EVC: variants seen among roughly 807,000 people sequenced by gnomAD.
EVC encodes the protein EvC ciliary complex subunit 1.
Under a neutral mutation model 118.9 loss-of-function variants are expected in EVC, and 116 were observed. The ratio of observed to expected loss-of-function variants is 0.98; its 90% CI spans 0.84 to 1.14. EVC has a LOEUF of 1.14. Among genes scored for constraint, EVC ranks in the 50% most tolerant of loss-of-function variants. The probability of loss-of-function intolerance (pLI) is 0.00; values close to 1 mark genes in which losing one functional copy is unlikely to be tolerated. For missense variants in EVC, 1,401 were observed against 1,246.4 expected, an observed-to-expected ratio of 1.12 and a Z score of -1.87; for synonymous variants, 619 against 534.7, an observed-to-expected ratio of 1.16 and a Z score of -2.18.
rs1346995792 is a variant in EVC at position 5,762,821 on chromosome 4, G to T, written c.1563+6459G>T. ...ATATTAGCCCTTTGTCACATGAGTAGGTTGCGAAAATTTTCTCCCATTTTG... is the reference window on the plus strand; with the variant it reads ...ATATTAGCCCTTTGTCACATGAGTATGTTGCGAAAATTTTCTCCCATTTTG... On this transcript the variant is annotated intron_variant, in intron 11 of 20. Coordinates refer to ENST00000264956, the MANE Select transcript of EVC (RefSeq NM_153717.3). 9.1e-4 allele frequency among the ~76,000 whole-genome samples: 64 copies of T among 70,644 alleles called. 12 individuals carry two copies. Among genetic ancestry groups the T allele is most frequent in the African/African-American group, 3.1e-3 (61 of 19,506 alleles). 46.3% of individuals were successfully genotyped at this position (70,644 alleles called of 152,430 possible). A position where few individuals can be genotyped will look rare whatever the true frequency, so the allele number is the denominator to read the frequency against.
rs73200158 is a variant in EVC, at chr4:5,747,882, C to T, written c.940-266C>T. Among the ~76,000 whole-genome samples, 17,518 of 152,166 alleles carry T rather than the reference C, an allele frequency of 0.12. 1,535 individuals are homozygous for T. Among genetic ancestry groups the T allele is most frequent in the African/African-American group, 0.25 (10,328 of 41,478 alleles). On this transcript the variant is annotated intron_variant, in intron 7 of 20. Coordinates refer to ENST00000264956, the MANE Select transcript of EVC (RefSeq NM_153717.3). ...TGCAAGAGTCTGTAGGCTGGACAAGCTACTGCTTTCTTTCCTTAGCAGCAG... is the reference window on the plus strand; with the variant it reads ...TGCAAGAGTCTGTAGGCTGGACAAGTTACTGCTTTCTTTCCTTAGCAGCAG...
In EVC at chr4:5,719,289, T is replaced by TG; in HGVS notation, c.217dup (p.Ala73GlyfsTer28). On this transcript the variant is annotated frameshift_variant, in exon 2 of 21. Transcript: ENST00000264956. LOFTEE classifies it high-confidence loss of function. The surrounding 1 kb of genome is among the most constrained non-coding windows in gnomAD (Gnocchi z 4.7). ...ATCTGCTCAAGAATTTGGAGTCTAA[T>TG]GCGCAGACCCCCTCGGAAACTGGCT... 3 of 1,614,136 alleles carry TG rather than the reference T, an allele frequency of 1.9e-6. No homozygotes were observed. The highest frequency in any genetic ancestry group is 2.5e-6 in the Non-Finnish European group (3 of 1,180,024).
In EVC at chr4:5,814,264, T is replaced by C. The variant is rs1717343637; in HGVS notation, c.*3227T>C. 1 of 152,238 alleles carries C rather than the reference T, an allele frequency of 6.6e-6. No individual in the cohort carries two copies. Among genetic ancestry groups the C allele is most frequent in the African/African-American group, 2.4e-5 (1 of 41,460 alleles). 9.4% of individuals were successfully genotyped at this position (152,238 alleles called of 1,614,324 possible). On this transcript the variant is annotated 3_prime_UTR_variant, in exon 21 of 21. Coordinates refer to ENST00000264956, the MANE Select transcript of EVC (RefSeq NM_153717.3). ...TTTGGAAGGGGACCATGAGAGATGA[T>C]GTATTATGATGAACTCATGATTTAA...
chr4:5,820,262 C>A, the EVC span, among the ~76,000 whole-genome samples: 1 of 152,146 alleles, frequency 6.6e-6, no homozygotes, highest in African/African-American at 2.4e-5. Flanking sequence ...TCACCAACAC[C>A]ACCATCATCA....
chr4:5,824,789 C>CAAAG, the EVC span: 2 of 985,242 alleles, frequency 2.0e-6, no homozygotes, highest in Non-Finnish European at 2.4e-6. Flanking sequence ...TGCAACGCCT[C>CAAAG]AAAGAGTTTG....
chr4:5,714,276 T>C (rs991991330), intron 1 of EVC, among the ~76,000 whole-genome samples: 1 of 152,242 alleles, frequency 6.6e-6, no homozygotes, highest in Non-Finnish European at 1.5e-5. Flanking sequence ...CCTTTTGCTG[T>C]TTTTGTTTTA....
chr4:5,773,001 T>TG (rs1734216764), intron 11 of EVC, among the ~76,000 whole-genome samples: 4 of 152,100 alleles, frequency 2.6e-5, no homozygotes, highest in African/African-American at 9.7e-5. Flanking sequence ...TGCCACAGCC[T>TG]GGGGGGAGCA....
chr4:5,734,092 G>A (rs777509808), intron 5 of EVC, among the ~76,000 whole-genome samples: 1 of 152,284 alleles, frequency 6.6e-6, no homozygotes, highest in Middle Eastern at 3.4e-3. Flanking sequence ...ATCAGCCACG[G>A]ACCTGAGCTA....
intron 5 of EVC, among the ~76,000 whole-genome samples, chr4:5,736,166 G>A (rs1727639553): frequency 6.6e-6 from 1 of 152,106 alleles, no homozygotes; most frequent in African/African-American, 2.4e-5. Context: ...GGGCATGGAG[G>A]AAGATTAAAT....
At position 5,798,984 on chromosome 4, in the gene EVC, C is replaced by T. The variant is rs964362239; in HGVS notation, c.2304+192C>T. Among the ~76,000 whole-genome samples, 2 of 152,122 alleles carry T rather than the reference C, an allele frequency of 1.3e-5. No homozygotes were observed. The highest frequency in any genetic ancestry group is 1.9e-4 in the East Asian group (1 of 5,176). ...CCCTCGCAGAATGGGGAGGGGCAGT[C>T]GCAGCAGATCACCGGTTCTCCCCCT... On this transcript the variant is annotated intron_variant, in intron 15 of 20. Transcript: ENST00000264956. This position sits in a 1 kb window ranked among gnomAD's most constrained non-coding sequence, Gnocchi z 4.1.
At chr4:5,800,838 C>CACCTCCGCA (rs1714835226) in intron 15 of EVC, among the ~76,000 whole-genome samples, 2 of 114,738 alleles carry the variant, frequency 1.7e-5, no homozygotes, top group African/African-American at 3.2e-5. Context: ...ACAGGCTAGT[C>CACCTCCGCA]ACCTCCGCAG....
intron 6 of EVC, among the ~76,000 whole-genome samples, chr4:5,744,623 C>G (rs1484560526): frequency 1.3e-5 from 2 of 152,150 alleles, no homozygotes; most frequent in Non-Finnish European, 2.9e-5. Flanking sequence ...TCCCAGAATT[C>G]ACTCAATTGC....
chr4:5,771,343 T>C (rs936923516), intron 11 of EVC, among the ~76,000 whole-genome samples: 1 of 152,168 alleles, frequency 6.6e-6, no homozygotes, highest in African/African-American at 2.4e-5. Flanking sequence ...CTCCTGCCTC[T>C]GCTTCCACCA....
At chr4:5,825,147 C>A in the EVC span, 2 of 985,244 alleles carry the variant, frequency 2.0e-6, no homozygotes, top group Non-Finnish European at 2.4e-6. The surrounding 1 kb of genome is among the most constrained non-coding windows in gnomAD (Gnocchi z 4.4). Flanking sequence ...CAGCTACTCC[C>A]ATCTCTTGTT....
At chr4:5,778,800 C>T (rs1735131618) in intron 11 of EVC, among the ~76,000 whole-genome samples, 1 of 152,122 alleles carries the variant, frequency 6.6e-6, no homozygotes, top group Admixed American at 6.5e-5. Flanking sequence ...TGCCTGTTCA[C>T]TCTGATGGTA....
At chr4:5,791,410 C>T (rs1254385467) in intron 12 of EVC, among the ~76,000 whole-genome samples, 1 of 152,072 alleles carries the variant, frequency 6.6e-6, no homozygotes, top group East Asian at 1.9e-4. Context: ...GGCAAAGGAA[C>T]ATTGATGATT....
intron 17 of EVC, among the ~76,000 whole-genome samples, chr4:5,805,568 C>G (rs867777535): frequency 3.3e-5 from 5 of 152,170 alleles, no homozygotes; most frequent in Admixed American, 3.3e-4. Context: ...GGCTTTCCTG[C>G]GAAACTTGCA....
intron 12 of EVC, among the ~76,000 whole-genome samples, chr4:5,790,857 G>A (rs1390953691): frequency 6.6e-6 from 1 of 152,184 alleles, no homozygotes; most frequent in African/African-American, 2.4e-5. Context: ...ACTTTGGGAG[G>A]CCGAGGCAGA....
Position 5,756,503 on chromosome 4 carries a change from G to GTCCCC in EVC, c.1563+145_1563+149dup. The GTCCCC allele has an allele frequency of 1.4e-6, 1 of 733,504 alleles. No individual in the cohort carries two copies. Among genetic ancestry groups the GTCCCC allele is most frequent in the East Asian group, 2.7e-5 (1 of 37,040 alleles). The allele number at this position is 733,504 out of a possible 1,614,324, so 45.4% of individuals were successfully genotyped here. On this transcript the variant is annotated intron_variant, in intron 11 of 20. Transcript: ENST00000264956. This position sits in a 1 kb window ranked among gnomAD's most constrained non-coding sequence, Gnocchi z 4.2. Reference sequence around the variant, plus strand: ...TTGGCCGGTGATCCACGCAGGCTGTGTCCCCTCCATGCGATCCTCCTTGCC... The same window carrying GTCCCC: ...TTGGCCGGTGATCCACGCAGGCTGTGTCCCCTCCCCTCCATGCGATCCTCCTTGCC...
Sources: gnomAD v4.1 joint callset for allele counts (sites outside exome capture counted in the v4.1 genomes callset) on GRCh38, gnomAD v4.1.1 for gene constraint, Gnocchi (gnomAD v3.1) non-coding constraint, MANE v1.5 for transcripts, NCBI Gene and HGNC (gene_info 2026-07-23, HGNC 2026-07-21) for gene names.